Variants in TCF12 observed in about 807,000 individuals in gnomAD.
TCF12 encodes the protein transcription factor 12.
Under a neutral mutation model 86.0 loss-of-function variants are expected in TCF12, and 45 were observed. The ratio of observed to expected loss-of-function variants is 0.52; its 90% CI spans 0.41 to 0.67. The LOEUF (loss-of-function observed/expected upper bound fraction) is 0.67, where lower values mean the gene tolerates loss of function less well. Ranked by LOEUF, TCF12 falls within the 30% of genes least tolerant of loss-of-function variation. The probability of loss-of-function intolerance (pLI) is 0.00; values close to 1 mark genes in which losing one functional copy is unlikely to be tolerated. For missense variants in TCF12, 881 were observed against 859.9 expected (o/e 1.02, Z -0.31); for synonymous variants, 330 against 299.6 (o/e 1.10, Z -1.05).
At chr15:57,264,381 A>C (rs908986144) in intron 18 of TCF12, among the ~76,000 whole-genome samples, 2 of 151,178 alleles carry the variant, frequency 1.3e-5, no homozygotes, top group African/African-American at 4.9e-5. Context: ...TTGTAGTTTT[A>C]GTGGAGACGG....
intron 3 of TCF12, among the ~76,000 whole-genome samples, chr15:56,984,390 T>C (rs140860885): frequency 3.3e-5 from 5 of 151,726 alleles, no homozygotes; most frequent in Non-Finnish European, 5.9e-5. Context: ...AGCTCAGGTT[T>C]GGTACCTAAC....
intron 5 of TCF12, among the ~76,000 whole-genome samples, chr15:57,142,043 C>T (rs1180795756): frequency 6.6e-6 from 1 of 152,098 alleles, no homozygotes; most frequent in Non-Finnish European, 1.5e-5. Context: ...CTTTTTGAAG[C>T]CAGTGATCAC....
intron 18 of TCF12, among the ~76,000 whole-genome samples, chr15:57,269,255 A>G (rs1461998038): frequency 6.7e-6 from 1 of 149,488 alleles, no homozygotes; most frequent in Non-Finnish European, 1.5e-5. Flanking sequence ...TTCTTGTTGC[A>G]TTGATCCCTT....
chr15:57,278,894 T>G (rs1450796486), intron 19 of TCF12, among the ~76,000 whole-genome samples: 1 of 151,484 alleles, frequency 6.6e-6, no homozygotes, highest in African/African-American at 2.4e-5. Context: ...TATTCTTTAT[T>G]TCTGTCTTTG....
At chr15:57,278,633 C>T (rs940173946) in intron 19 of TCF12, 5 of 213,160 alleles carry the variant, frequency 2.3e-5, no homozygotes, top group Admixed American at 4.1e-5. Flanking sequence ...CACACACACT[C>T]GTGAACACCC....
intron 17 of TCF12, 84 bp downstream of exon 17, chr15:57,262,292 A>C: frequency 9.9e-7 from 1 of 1,013,292 alleles, no homozygotes; most frequent in Non-Finnish European, 1.5e-6. Flanking sequence ...CTGGATTGAC[A>C]TCTGTGAATC....
At chr15:57,063,150 G>A (rs1022293951) in intron 3 of TCF12, among the ~76,000 whole-genome samples, 6 of 152,158 alleles carry the variant, frequency 3.9e-5, no homozygotes, top group African/African-American at 9.7e-5. Flanking sequence ...AAATCAAATT[G>A]TGTATAATTT....
At chr15:57,199,934 T>G (rs995604065) in intron 8 of TCF12, among the ~76,000 whole-genome samples, 1 of 151,916 alleles carries the variant, frequency 6.6e-6, no homozygotes, top group Non-Finnish European at 1.5e-5. Flanking sequence ...CAGGCTGGAG[T>G]GCAGTGACAC....
intron 3 of TCF12, among the ~76,000 whole-genome samples, chr15:57,034,832 T>C (rs2066406104): frequency 1.3e-5 from 2 of 152,346 alleles, no homozygotes; most frequent in East Asian, 1.9e-4. Context: ...CATTTCACAA[T>C]ACTGCCTTTA....
At chr15:57,035,590 A>G (rs572426682) in intron 3 of TCF12, among the ~76,000 whole-genome samples, 2 of 152,292 alleles carry the variant, frequency 1.3e-5, no homozygotes, top group Non-Finnish European at 2.9e-5. Context: ...ATTTTATTCA[A>G]ATAAGAGCAT....
At chr15:57,126,249 C>G (rs2051641076) in intron 5 of TCF12, among the ~76,000 whole-genome samples, 1 of 151,970 alleles carries the variant, frequency 6.6e-6, no homozygotes, top group African/African-American at 2.4e-5. Context: ...TCAAAAAAAA[C>G]AAAGCATCTG....
chr15:57,115,461 A>G (rs1481075676), intron 5 of TCF12, among the ~76,000 whole-genome samples: 3 of 152,200 alleles, frequency 2.0e-5, no homozygotes, highest in Admixed American at 2.0e-4. Context: ...TTACCTGCAT[A>G]CTGTCATGGA....
chr15:57,148,025 C>A (rs2053483493), intron 5 of TCF12, among the ~76,000 whole-genome samples: 1 of 151,504 alleles, frequency 6.6e-6, no homozygotes, highest in Non-Finnish European at 1.5e-5. Flanking sequence ...AGTACAGGTG[C>A]ACGTCACCAT....
At chr15:57,117,705 G>T (rs1232907815) in intron 5 of TCF12, among the ~76,000 whole-genome samples, 1 of 152,066 alleles carries the variant, frequency 6.6e-6, no homozygotes. Context: ...TCTGTTATTG[G>T]TAAATTAAAA....
chr15:57,070,250 T>C (rs1184870336), intron 4 of TCF12, among the ~76,000 whole-genome samples: 2 of 152,192 alleles, frequency 1.3e-5, no homozygotes, highest in Admixed American at 1.3e-4. Flanking sequence ...TTTCAATACA[T>C]GCTATGATTT....
chr15:56,972,018 A>G (rs1567186030), intron 3 of TCF12, among the ~76,000 whole-genome samples: 1 of 152,216 alleles, frequency 6.6e-6, no homozygotes, highest in Non-Finnish European at 1.5e-5. Flanking sequence ...AGCTCTTACG[A>G]ATATACTAAA....
chr15:57,180,807 T>C (rs995269647), intron 6 of TCF12, among the ~76,000 whole-genome samples: 1 of 10,710 alleles, frequency 9.3e-5, no homozygotes, highest in African/African-American at 6.0e-4. Context: ...ATGCTAATAA[T>C]TTTTTTTTTT....
chr15:57,230,778 A>G (rs1281735594), intron 8 of TCF12, among the ~76,000 whole-genome samples: 2 of 152,000 alleles, frequency 1.3e-5, no homozygotes, highest in African/African-American at 4.8e-5. Flanking sequence ...CCCAGATTTT[A>G]TGTTATGCTA....
intron 3 of TCF12, among the ~76,000 whole-genome samples, chr15:57,025,605 C>T (rs929941410): frequency 2.6e-5 from 4 of 152,100 alleles, no homozygotes; most frequent in Non-Finnish European, 4.4e-5. Context: ...AAGATTACCA[C>T]CTAAGAGCTT....
Sources: allele counts gnomAD v4.1 joint callset (sites outside exome capture counted in the v4.1 genomes callset), GRCh38; gene constraint gnomAD v4.1.1; transcripts MANE v1.5; gene names NCBI Gene and HGNC (gene_info 2026-07-23, HGNC 2026-07-21).